The following DPP10 variants were observed in gnomAD, a reference collection of about 807,000 sequenced individuals.
DPP10 encodes the protein inactive dipeptidyl peptidase 10.
Under a neutral mutation model 120.9 loss-of-function variants are expected in DPP10, and 33 were observed. The observed-to-expected ratio is 0.27, with a 90% CI of 0.21 to 0.37. The LOEUF is 0.37. Among genes scored for constraint, DPP10 ranks in the 10% least tolerant of loss-of-function variants. The probability of loss-of-function intolerance (pLI) is 1.00; values close to 1 mark genes in which losing one functional copy is unlikely to be tolerated. For synonymous variants in DPP10, 337 were observed against 326.1 expected (o/e 1.03, Z -0.36); for missense variants, 816 against 942.8 (o/e 0.87, Z 1.76).
intron 12 of DPP10, among the ~76,000 whole-genome samples, chr2:115,764,932 A>C (rs969621603): frequency 3.3e-5 from 5 of 152,166 alleles, no homozygotes; most frequent in African/African-American, 1.2e-4. Context: ...AGAAGTAGGC[A>C]TGTTTAGCCT....
chr2:114,448,296 A>G (rs1170141708), intron 1 of DPP10, among the ~76,000 whole-genome samples: 1 of 152,186 alleles, frequency 6.6e-6, no homozygotes, highest in Non-Finnish European at 1.5e-5. Flanking sequence ...TTTATGAAGT[A>G]TTTAGTATTT....
intron 1 of DPP10, among the ~76,000 whole-genome samples, chr2:114,547,650 T>C (rs1289913771): frequency 3.3e-5 from 5 of 152,278 alleles, no homozygotes; most frequent in Non-Finnish European, 5.9e-5. Context: ...TATAAATATA[T>C]AAATATTTGT....
At chr2:115,807,876 A>G (rs116457447) in intron 19 of DPP10, among the ~76,000 whole-genome samples, 2,759 of 152,200 alleles carry the variant, frequency 0.018, 86 homozygotes, top group African/African-American at 0.061. Context: ...TTGAGGAAAA[A>G]CATTAAATGC....
chr2:114,922,399 G>T (rs1335117599), intron 1 of DPP10, among the ~76,000 whole-genome samples: 1 of 152,088 alleles, frequency 6.6e-6, no homozygotes, highest in Non-Finnish European at 1.5e-5. Context: ...TGCAACCTCC[G>T]CTTTCTGGGT....
chr2:115,100,843 C>T (rs149935442), intron 1 of DPP10, among the ~76,000 whole-genome samples: 1 of 152,264 alleles, frequency 6.6e-6, no homozygotes, highest in African/African-American at 2.4e-5. Flanking sequence ...TTTATCCTTC[C>T]AGGCCCCTGA....
At chr2:115,378,256 A>G (rs1489528016) in intron 3 of DPP10, among the ~76,000 whole-genome samples, 1 of 151,428 alleles carries the variant, frequency 6.6e-6, no homozygotes, top group East Asian at 1.9e-4. Flanking sequence ...TTCTCCTTGA[A>G]GAGGTCCTTC....
intron 1 of DPP10, among the ~76,000 whole-genome samples, chr2:115,186,584 A>G (rs573280135): frequency 3.0e-4 from 45 of 152,314 alleles, no homozygotes; most frequent in Middle Eastern, 6.8e-3. Context: ...AGGACGAAGA[A>G]GGGGGAAGGA....
intron 3 of DPP10, among the ~76,000 whole-genome samples, chr2:115,409,998 G>A (rs1448442777): frequency 1.3e-5 from 2 of 152,078 alleles, no homozygotes; most frequent in African/African-American, 4.8e-5. Flanking sequence ...ATAATGTTTT[G>A]GGTTTTACAT....
chr2:115,698,520 CT>C (rs1397899103), intron 7 of DPP10, among the ~76,000 whole-genome samples: 1 of 152,164 alleles, frequency 6.6e-6, no homozygotes, highest in Non-Finnish European at 1.5e-5. Flanking sequence ...ATGTGTGACG[CT>C]TTAATCCAAC....
chr2:115,728,056 T>C (rs2092808779), intron 8 of DPP10, 120 bp downstream of exon 8: 1 of 1,195,968 alleles, frequency 8.4e-7, no homozygotes, highest in Non-Finnish European at 1.1e-6. Flanking sequence ...TCATTTTCTC[T>C]CAAAATTGCC....
chr2:114,706,791 T>A (rs1355187254), intron 1 of DPP10, among the ~76,000 whole-genome samples: 2 of 152,142 alleles, frequency 1.3e-5, no homozygotes, highest in Non-Finnish European at 2.9e-5. Flanking sequence ...TGAGTGAAGG[T>A]CCAGGCAGTG....
At chr2:114,544,646 T>C (rs961562753) in intron 1 of DPP10, among the ~76,000 whole-genome samples, 2 of 152,026 alleles carry the variant, frequency 1.3e-5, no homozygotes, top group African/African-American at 4.8e-5. Context: ...GCAAGGTCTA[T>C]ATAAGTTAAA....
chr2:115,450,134 T>G (rs1319890434), intron 3 of DPP10, among the ~76,000 whole-genome samples: 1 of 151,956 alleles, frequency 6.6e-6, no homozygotes, highest in Non-Finnish European at 1.5e-5. Flanking sequence ...AAAAATGCGT[T>G]AAATACTCCC....
At chr2:114,935,088 CTA>C (rs1275125651) in intron 1 of DPP10, among the ~76,000 whole-genome samples, 1 of 152,156 alleles carries the variant, frequency 6.6e-6, no homozygotes, top group Admixed American at 6.6e-5. Flanking sequence ...AGATTTAAAA[CTA>C]TACTCATGTA....
intron 4 of DPP10, among the ~76,000 whole-genome samples, chr2:115,518,322 ATTTG>A (rs1276961651): frequency 6.6e-6 from 1 of 152,122 alleles, no homozygotes; most frequent in African/African-American, 2.4e-5. Flanking sequence ...TATCTTTTTT[ATTTG>A]TTAACCTATG....
intron 1 of DPP10, among the ~76,000 whole-genome samples, chr2:115,062,594 C>T (rs138933231): frequency 5.6e-4 from 85 of 152,198 alleles, no homozygotes; most frequent in Non-Finnish European, 9.9e-4. Context: ...CCTGTGTCTA[C>T]GTGTTCACAT....
At chr2:115,828,650 G>C (rs956416317) in intron 21 of DPP10, among the ~76,000 whole-genome samples, 5 of 151,880 alleles carry the variant, frequency 3.3e-5, no homozygotes, top group Admixed American at 3.3e-4. Context: ...TAGGACTGAC[G>C]TGTTTATTTT....
chr2:114,917,831 TA>T (rs1486675314), intron 1 of DPP10, among the ~76,000 whole-genome samples: 2 of 151,988 alleles, frequency 1.3e-5, no homozygotes, highest in African/African-American at 4.8e-5. Flanking sequence ...GACTTAAACA[TA>T]AAACCTAAAA....
chr2:114,672,658 T>G (rs1457480271), intron 1 of DPP10, among the ~76,000 whole-genome samples: 4 of 152,200 alleles, frequency 2.6e-5, no homozygotes, highest in Non-Finnish European at 5.9e-5. Flanking sequence ...TTGACCTTTC[T>G]TGTTATACCT....
Sources: gnomAD v4.1 joint callset for allele counts (sites outside exome capture counted in the v4.1 genomes callset) on GRCh38, gnomAD v4.1.1 for gene constraint, MANE v1.5 for transcripts, NCBI Gene and HGNC (gene_info 2026-07-23, HGNC 2026-07-21) for gene names.